The following KANSL1 variants were observed in gnomAD, a reference collection of about 807,000 sequenced individuals.
KANSL1 encodes the protein KAT8 regulatory NSL complex subunit 1.
A neutral mutation model predicts 103.6 loss-of-function variants in KANSL1; 22 were observed. The observed-to-expected ratio is 0.21, with a 90% CI of 0.15 to 0.30. KANSL1 has a LOEUF of 0.30. Among genes scored for constraint, KANSL1 ranks in the 10% least tolerant of loss-of-function variants. The pLI is 1.00. For missense variants in KANSL1, 1,337 were observed against 1,399.8 expected (o/e 0.96, Z 0.72); for synonymous variants, 600 against 527.6 (o/e 1.14, Z -1.88).
chr17:46,220,996 C>CT (rs56342423), intron 1 of KANSL1, among the ~76,000 whole-genome samples: 9,240 of 138,316 alleles, frequency 0.067, 8 homozygotes, highest in Middle Eastern at 0.13. Flanking sequence ...CCCTAAAGAT[C>CT]TTTTTTTTTT....
chr17:46,135,748 C>T (rs902602746), intron 2 of KANSL1, among the ~76,000 whole-genome samples: 2 of 134,890 alleles, frequency 1.5e-5, no homozygotes, highest in Non-Finnish European at 3.0e-5. Context: ...TGCTATGTTG[C>T]CCAGGCTGGT....
At chr17:46,186,681 G>A (rs1047430089) in intron 1 of KANSL1, among the ~76,000 whole-genome samples, 10 of 152,322 alleles carry the variant, frequency 6.6e-5, no homozygotes, top group African/African-American at 2.4e-4. Flanking sequence ...GTAACATATG[G>A]AGAGTTTAAT....
intron 7 of KANSL1, chr17:46,050,302 C>T (rs1177498427): frequency 3.5e-6 from 2 of 566,176 alleles, no homozygotes; most frequent in Non-Finnish European, 3.1e-6. Flanking sequence ...TCCCTCCTAG[C>T]TACTTGAAGA....
chr17:46,204,915 C>T (rs146708485), intron 1 of KANSL1, among the ~76,000 whole-genome samples: 1 of 152,254 alleles, frequency 6.6e-6, no homozygotes, highest in East Asian at 1.9e-4. Context: ...AAACACTCAA[C>T]AAAGTAGAAA....
chr17:46,125,047 G>GA (rs2043467280), intron 2 of KANSL1, among the ~76,000 whole-genome samples: 1 of 69,032 alleles, frequency 1.4e-5, no homozygotes, highest in Non-Finnish European at 3.1e-5. Context: ...GAGGGAGGGA[G>GA]GAGGGAGGGA....
At chr17:46,059,984 G>A (rs972840257) in intron 6 of KANSL1, among the ~76,000 whole-genome samples, 2 of 152,046 alleles carry the variant, frequency 1.3e-5, no homozygotes, top group Non-Finnish European at 2.9e-5. Flanking sequence ...AAATCAGCCT[G>A]TGCAACACAG....
At chr17:46,056,882 C>A (rs2077950976) in intron 6 of KANSL1, among the ~76,000 whole-genome samples, 1 of 152,228 alleles carries the variant, frequency 6.6e-6, no homozygotes, top group Admixed American at 6.5e-5. Context: ...CTGTAGATAT[C>A]TAGCAGCATC....
Position 46,171,914 on chromosome 17 carries a change from G to A in KANSL1, c.230C>T (p.Pro77Leu). ...AGAGCAGAGATAAGATGCCACCAGT[G>A]GTTGCAGCTTTCCCAAGTCTTCCTT... Reference protein sequence around the residue: ...PTKEDLGKLQPLVASYLCSDV... With the variant: ...PTKEDLGKLQLLVASYLCSDV... Residue 77 changes from proline to leucine, a missense_variant, in exon 2 of 15, where the codon CCA (proline) becomes CTA (leucine). Physicochemically the swap from Pro to Leu is moderately conservative, Grantham distance 98 (BLOSUM62 -3). Transcript: ENST00000432791. The A allele has an allele frequency of 6.2e-7, 1 of 1,614,284 alleles. No individual in the cohort carries two copies. Among genetic ancestry groups the A allele is most frequent in the Non-Finnish European group, 8.5e-7 (1 of 1,180,054 alleles).
intron 1 of KANSL1, among the ~76,000 whole-genome samples, chr17:46,176,387 C>T (rs1192466834): frequency 1.3e-5 from 2 of 152,178 alleles, no homozygotes; most frequent in Non-Finnish European, 1.5e-5. Flanking sequence ...GAAAAAATGC[C>T]GGCTTAAATC....
At chr17:46,142,501 G>A (rs1460177333) in intron 2 of KANSL1, among the ~76,000 whole-genome samples, 4 of 152,156 alleles carry the variant, frequency 2.6e-5, no homozygotes, top group African/African-American at 9.7e-5. Flanking sequence ...GCACTCCTGT[G>A]GTCCCAGCTA....
Position 46,191,026 on chromosome 17 carries a change from GTATT to G in KANSL1, c.-90+1793_-90+1796del, listed in dbSNP as rs1483995104. Among the ~76,000 whole-genome samples the G allele has an allele frequency of 3.3e-5, 5 of 152,170 alleles. No individual in the cohort carries two copies. The East Asian group carries it at 7.7e-4, about 24-fold the overall frequency. ...AATGCATACTCAAGAACCACATTTCGTATTTACTTTAAAAAAAAAGTTTCTTAAT... is the reference window on the plus strand; with the variant it reads ...AATGCATACTCAAGAACCACATTTCGTACTTTAAAAAAAAAGTTTCTTAAT... On this transcript the variant is annotated intron_variant, in intron 1 of 14. Transcript: ENST00000432791.
At chr17:46,189,906 CAA>C (rs55934305) in intron 1 of KANSL1, among the ~76,000 whole-genome samples, 19 of 112,396 alleles carry the variant, frequency 1.7e-4, no homozygotes, top group South Asian at 2.9e-4. Flanking sequence ...GACCCTGCCT[CAA>C]AAAAAAAAAA....
intron 1 of KANSL1, among the ~76,000 whole-genome samples, chr17:46,208,794 A>C (rs2048061519): frequency 6.7e-6 from 1 of 150,228 alleles, no homozygotes; most frequent in South Asian, 2.1e-4. Context: ...CGGAGGTTGC[A>C]GGAAGCCGAG....
chr17:46,131,190 A>T (rs1232887655), intron 2 of KANSL1, among the ~76,000 whole-genome samples: 1 of 152,242 alleles, frequency 6.6e-6, no homozygotes, highest in Non-Finnish European at 1.5e-5. Flanking sequence ...CCTGGTTTTT[A>T]CATTTATTTA....
intron 4 of KANSL1, among the ~76,000 whole-genome samples, chr17:46,080,287 TG>T (rs997689115): frequency 2.9e-4 from 35 of 122,386 alleles, no homozygotes; most frequent in African/African-American, 1.1e-3. Flanking sequence ...CACTCCAGCC[TG>T]GGTGACAGAG....
At chr17:46,142,515 G>C (rs2044474612) in intron 2 of KANSL1, among the ~76,000 whole-genome samples, 1 of 152,178 alleles carries the variant, frequency 6.6e-6, no homozygotes, top group Admixed American at 6.5e-5. Flanking sequence ...CCAGCTACTT[G>C]TGAGGACCAC....
chr17:46,094,774 G>C, intron 2 of KANSL1, 73 bp from the exon 3 acceptor site: 1 of 1,576,538 alleles, frequency 6.3e-7, no homozygotes, highest in Admixed American at 1.7e-5. Context: ...GTGGGGAGTG[G>C]AATTTAACTT....
chr17:46,119,763 C>A (rs1221802048), intron 2 of KANSL1, among the ~76,000 whole-genome samples: 1 of 152,220 alleles, frequency 6.6e-6, no homozygotes, highest in Non-Finnish European at 1.5e-5. Flanking sequence ...TAAGTTCCTA[C>A]CATAATTAAG....
At chr17:46,053,634 C>G (rs2077807989) in intron 6 of KANSL1, among the ~76,000 whole-genome samples, 2 of 152,076 alleles carry the variant, frequency 1.3e-5, no homozygotes, top group African/African-American at 4.8e-5. Flanking sequence ...CAGGGTTTCA[C>G]CATTGTTAGC....
Sources: allele counts gnomAD v4.1 joint callset (sites outside exome capture counted in the v4.1 genomes callset), GRCh38; gene constraint gnomAD v4.1.1; transcripts MANE v1.5; gene names NCBI Gene and HGNC (gene_info 2026-07-23, HGNC 2026-07-21).